The following DCLK1 variants were observed in gnomAD, a reference collection of about 807,000 sequenced individuals.
The protein encoded by DCLK1 is doublecortin like kinase 1, also known as serine/threonine-protein kinase DCLK1.
Under a neutral mutation model 86.2 loss-of-function variants are expected in DCLK1, and 16 were observed. The ratio of observed to expected loss-of-function variants is 0.19; its 90% CI spans 0.13 to 0.28. DCLK1 has a LOEUF of 0.28. Ranked by LOEUF, DCLK1 falls within the 10% of genes least tolerant of loss-of-function variation. The pLI, the probability that DCLK1 is intolerant of heterozygous loss-of-function variation, is 1.00. For missense variants in DCLK1, 590 were observed against 940.2 expected (o/e 0.63, Z 4.87); for synonymous variants, 369 against 370.5 (o/e 1.00, Z 0.05).
chr13:35,980,282 C>T (rs1879568541), intron 3 of DCLK1, among the ~76,000 whole-genome samples: 2 of 152,096 alleles, frequency 1.3e-5, no homozygotes, highest in African/African-American at 2.4e-5. Flanking sequence ...ATGGTGGAAC[C>T]CATCTCTGCT....
intron 14 of DCLK1, among the ~76,000 whole-genome samples, 177 bp downstream of exon 14, chr13:35,808,047 G>T (rs542246849): frequency 2.6e-5 from 4 of 152,234 alleles, no homozygotes; most frequent in Non-Finnish European, 4.4e-5. Context: ...TTGTTGGGAT[G>T]TCTGGGAACA....
intron 3 of DCLK1, among the ~76,000 whole-genome samples, chr13:36,001,809 C>T (rs1370093508): frequency 5.3e-5 from 8 of 151,988 alleles, no homozygotes; most frequent in African/African-American, 9.7e-5. Context: ...AGATCAGAAC[C>T]CACGGCCTGG....
intron 4 of DCLK1, among the ~76,000 whole-genome samples, chr13:35,897,970 T>A (rs1365956706): frequency 6.6e-6 from 1 of 152,248 alleles, no homozygotes; most frequent in Non-Finnish European, 1.5e-5. Flanking sequence ...AGCAACAGGA[T>A]AAATTATTAA....
chr13:35,997,383 C>G (rs1880520645), intron 3 of DCLK1, among the ~76,000 whole-genome samples: 1 of 152,208 alleles, frequency 6.6e-6, no homozygotes, highest in Non-Finnish European at 1.5e-5. Context: ...CATCGTAGAG[C>G]AGAAATCTCA....
intron 3 of DCLK1, among the ~76,000 whole-genome samples, chr13:36,087,387 T>G (rs1011903083): frequency 1.3e-5 from 2 of 152,228 alleles, no homozygotes; most frequent in South Asian, 2.1e-4. Flanking sequence ...AGCACAGGTA[T>G]TGCTAAAAGG....
chr13:35,808,911 T>C (rs2087087427), intron 13 of DCLK1, 107 bp downstream of exon 13: 1 of 839,990 alleles, frequency 1.2e-6, no homozygotes, highest in Admixed American at 2.7e-5. Flanking sequence ...GTAAAGTTCT[T>C]GTGCTCTTTT....
chr13:36,050,611 C>T (rs1283193823), intron 3 of DCLK1, among the ~76,000 whole-genome samples: 2 of 152,014 alleles, frequency 1.3e-5, no homozygotes, highest in African/African-American at 4.8e-5. Flanking sequence ...AGGATTAGGC[C>T]CCATTATTTC....
chr13:35,793,692 T>C (rs747884099), intron 15 of DCLK1, among the ~76,000 whole-genome samples: 1 of 152,090 alleles, frequency 6.6e-6, no homozygotes, highest in Non-Finnish European at 1.5e-5. Flanking sequence ...ATTTGCTTTG[T>C]GTCATCTGAC....
At position 35,774,616 on chromosome 13, in the gene DCLK1, A is replaced by C; in HGVS notation, c.2142T>G (p.Ala714=). 1 of 1,601,126 alleles carries C rather than the reference A, an allele frequency of 6.2e-7. No individual in the cohort carries two copies. Among genetic ancestry groups the C allele is most frequent in the Middle Eastern group, 1.7e-4 (1 of 6,048 alleles). The change falls in exon 17 of 17, where the codon GCT becomes GCG. Residue 714 remains alanine, a synonymous_variant. Coordinates refer to ENST00000360631, the MANE Select transcript of DCLK1 (RefSeq NM_001330071.2). The part of the protein sequence containing the change: ...DVRSRYKAQP[A]PPELNSESED... ...CCGATTCCGAGTTGAGTTCGGGAGG[A>C]GCTGGCTGCGCCTTGTACCGGCTCC... is the stretch of plus-strand genomic sequence containing the variant.
chr13:36,089,761 A>G (rs901608415), intron 3 of DCLK1, among the ~76,000 whole-genome samples: 2 of 152,218 alleles, frequency 1.3e-5, no homozygotes, highest in Non-Finnish European at 2.9e-5. Context: ...AATATTTCAA[A>G]TACAAAACAA....
chr13:35,835,015 CT>C, intron 8 of DCLK1, among the ~76,000 whole-genome samples: 1 of 152,316 alleles, frequency 6.6e-6, no homozygotes, highest in African/African-American at 2.4e-5. Context: ...ATGTGGGGCC[CT>C]GTAGAGACTA....
intron 3 of DCLK1, among the ~76,000 whole-genome samples, chr13:36,072,669 A>G (rs1884021528): frequency 6.6e-6 from 1 of 152,172 alleles, no homozygotes; most frequent in South Asian, 2.1e-4. Context: ...ATATTAAGTG[A>G]TCAATAAAGC....
At chr13:36,032,116 TTTTTTC>T (rs1052653362) in intron 3 of DCLK1, among the ~76,000 whole-genome samples, 2 of 152,048 alleles carry the variant, frequency 1.3e-5, no homozygotes, top group African/African-American at 4.8e-5. Flanking sequence ...TTTCTTTTTC[TTTTTTC>T]TTTTTCTTTT....
At chr13:36,067,851 T>G (rs2153160681) in intron 3 of DCLK1, among the ~76,000 whole-genome samples, 1 of 152,262 alleles carries the variant, frequency 6.6e-6, no homozygotes, top group East Asian at 1.9e-4. Flanking sequence ...ATCACTATGC[T>G]AAATGAGAAG....
chr13:35,858,668 T>G (rs1871219945), intron 5 of DCLK1, among the ~76,000 whole-genome samples: 1 of 152,126 alleles, frequency 6.6e-6, no homozygotes, highest in South Asian at 2.1e-4. Flanking sequence ...CAATGGTAAT[T>G]GTGGTTTTTG....
At chr13:35,799,135 A>T (rs2086869316) in intron 15 of DCLK1, among the ~76,000 whole-genome samples, 2 of 152,234 alleles carry the variant, frequency 1.3e-5, no homozygotes, top group South Asian at 4.1e-4. Flanking sequence ...AGCTTTTAAA[A>T]GTCCTGATGC....
intron 3 of DCLK1, among the ~76,000 whole-genome samples, chr13:36,102,189 CTTTT>C (rs60965913): frequency 7.2e-6 from 1 of 138,428 alleles, no homozygotes. Context: ...CTAGTCTAAT[CTTTT>C]TTTTTTTTTT....
intron 15 of DCLK1, among the ~76,000 whole-genome samples, chr13:35,803,048 C>A (rs1002231655): frequency 6.6e-6 from 1 of 152,132 alleles, no homozygotes; most frequent in African/African-American, 2.4e-5. Context: ...ACAACATTAC[C>A]ATGTTTTCAT....
chr13:35,807,342 C>CT (rs1566542715), intron 14 of DCLK1, among the ~76,000 whole-genome samples: 1 of 152,316 alleles, frequency 6.6e-6, no homozygotes, highest in South Asian at 2.1e-4. Flanking sequence ...AAGGACTGAT[C>CT]TTTTAGTTTC....
Sources: allele counts gnomAD v4.1 joint callset (sites outside exome capture counted in the v4.1 genomes callset), GRCh38; gene constraint gnomAD v4.1.1; transcripts MANE v1.5; gene names NCBI Gene and HGNC (gene_info 2026-07-23, HGNC 2026-07-21).